Variants in MMP16 observed in about 807,000 individuals in gnomAD.
The protein encoded by MMP16 is matrix metalloproteinase-16.
MMP16 carries 12 observed loss-of-function variants against 67.8 expected under a neutral mutation model. The observed-to-expected ratio is 0.18, with a 90% confidence interval of 0.11 to 0.29. The LOEUF is 0.29. MMP16 is among the 10% of genes least tolerant of loss of function. The pLI is 1.00. For synonymous variants in MMP16, 249 were observed against 255.9 expected, an observed-to-expected ratio of 0.97 and a Z score of 0.26; for missense variants, 475 against 765.7, an observed-to-expected ratio of 0.62 and a Z score of 4.48.
intron 1 of MMP16, among the ~76,000 whole-genome samples, chr8:88,282,481 CAT>C (rs1810757365): frequency 1.3e-5 from 2 of 152,172 alleles, no homozygotes; most frequent in African/African-American, 4.8e-5. Context: ...AATACTAAAA[CAT>C]ATTAAAAACA....
At chr8:88,267,688 G>A (rs999055500) in intron 1 of MMP16, among the ~76,000 whole-genome samples, 1 of 152,176 alleles carries the variant, frequency 6.6e-6, no homozygotes, top group Non-Finnish European at 1.5e-5. Context: ...GTGAAATGAT[G>A]TTATTACTAA....
intron 1 of MMP16, among the ~76,000 whole-genome samples, chr8:88,268,597 A>T (rs1470475945): frequency 6.6e-6 from 1 of 152,068 alleles, no homozygotes; most frequent in African/African-American, 2.4e-5. Context: ...AGGGTAGGAG[A>T]GGACCATAAT....
At chr8:88,163,008 C>G (rs1360136761) in intron 4 of MMP16, among the ~76,000 whole-genome samples, 1 of 152,030 alleles carries the variant, frequency 6.6e-6, no homozygotes, top group Non-Finnish European at 1.5e-5. Flanking sequence ...TATCAAAGTT[C>G]AAATTTTGTA....
intron 1 of MMP16, among the ~76,000 whole-genome samples, chr8:88,238,369 C>T (rs145266754): frequency 6.6e-5 from 10 of 151,522 alleles, no homozygotes; most frequent in African/African-American, 9.7e-5. Context: ...AAAAATTAGC[C>T]GGGTGCAGCC....
At chr8:88,186,319 T>G in intron 3 of MMP16, 157 bp downstream of exon 3, 1 of 911,370 alleles carries the variant, frequency 1.1e-6, no homozygotes, top group Non-Finnish European at 1.6e-6. Context: ...AATGAACAAT[T>G]TACTCTCCTC....
intron 4 of MMP16, among the ~76,000 whole-genome samples, chr8:88,154,869 CAA>C (rs1315350398): frequency 1.1e-5 from 1 of 89,510 alleles, no homozygotes; most frequent in African/African-American, 4.0e-5. Context: ...AAGTATAATA[CAA>C]AAAAAAAAAG....
At chr8:88,079,973 A>G (rs1324108130) in intron 6 of MMP16, among the ~76,000 whole-genome samples, 1 of 152,190 alleles carries the variant, frequency 6.6e-6, no homozygotes, top group East Asian at 1.9e-4. Context: ...GTGTTCTGGT[A>G]TAGCACATCC....
chr8:88,264,068 A>T (rs866403812), intron 1 of MMP16, among the ~76,000 whole-genome samples: 3 of 141,280 alleles, frequency 2.1e-5, no homozygotes, highest in African/African-American at 8.0e-5. Flanking sequence ...GGAGAGAGAG[A>T]GTGTGTGTGT....
At chr8:88,076,278 T>A (rs1239017601) in intron 6 of MMP16, among the ~76,000 whole-genome samples, 2 of 152,190 alleles carry the variant, frequency 1.3e-5, no homozygotes, top group Non-Finnish European at 2.9e-5. Flanking sequence ...GATTACTGTA[T>A]AAGATACAAA....
At chr8:88,318,279 T>C (rs1377344653) in intron 1 of MMP16, among the ~76,000 whole-genome samples, 1 of 152,218 alleles carries the variant, frequency 6.6e-6, no homozygotes, top group African/African-American at 2.4e-5. Flanking sequence ...CAATTTAATA[T>C]TGTATGTGTT....
At chr8:88,056,069 T>C in intron 8 of MMP16, 59 bp downstream of exon 8, 1 of 1,301,680 alleles carries the variant, frequency 7.7e-7, no homozygotes. Context: ...AGACTAGAAA[T>C]GCTGATTTTC....
chr8:88,325,051 C>T (rs1811516039), intron 1 of MMP16, among the ~76,000 whole-genome samples: 1 of 152,144 alleles, frequency 6.6e-6, no homozygotes, highest in African/African-American at 2.4e-5. Context: ...ACTTATCTGT[C>T]AGGCTTAAAT....
At chr8:88,207,022 TG>T (rs1245633953) in intron 1 of MMP16, among the ~76,000 whole-genome samples, 1 of 152,142 alleles carries the variant, frequency 6.6e-6, no homozygotes, top group Non-Finnish European at 1.5e-5. Context: ...TTCAACAATT[TG>T]AAAAACCTCA....
chr8:88,228,949 C>T (rs1809813102), intron 1 of MMP16, among the ~76,000 whole-genome samples: 1 of 151,798 alleles, frequency 6.6e-6, no homozygotes, highest in South Asian at 2.1e-4. Flanking sequence ...TCACTTGAGC[C>T]CAGGAGTTGA....
rs555182248 is a variant in MMP16, at chr8:88,043,814, A to G, written c.1490-2019T>C. On this transcript the variant is annotated intron_variant, in intron 9 of 9. Coordinates refer to ENST00000286614, the MANE Select transcript of MMP16 (RefSeq NM_005941.5). ...GTATTTGATCACGTTAATGAAATTC[A>G]ATATAATTACTCAACAAGCTTGGAT... 2.3e-3 allele frequency among the ~76,000 whole-genome samples: 357 copies of G among 152,356 alleles called. 1 individual carries two copies. The highest frequency in any genetic ancestry group is 4.0e-3 in the Non-Finnish European group (274 of 68,040).
intron 4 of MMP16, among the ~76,000 whole-genome samples, chr8:88,120,238 T>C (rs1162483461): frequency 6.6e-6 from 1 of 151,940 alleles, no homozygotes; most frequent in Non-Finnish European, 1.5e-5. Context: ...TACATAACTA[T>C]GACAGTGTTT....
At chr8:88,109,020 G>T (rs1395344646) in intron 6 of MMP16, among the ~76,000 whole-genome samples, 2 of 150,854 alleles carry the variant, frequency 1.3e-5, no homozygotes, top group Non-Finnish European at 3.0e-5. Context: ...ATTGGGAATA[G>T]AAGAACAAGA....
intron 1 of MMP16, among the ~76,000 whole-genome samples, chr8:88,229,846 G>A (rs993232645): frequency 1.3e-5 from 2 of 152,070 alleles, no homozygotes; most frequent in Admixed American, 6.6e-5. Flanking sequence ...AAGTAATGCT[G>A]TATTTAAAGA....
intron 6 of MMP16, among the ~76,000 whole-genome samples, chr8:88,105,165 TA>T (rs1367816429): frequency 8.3e-5 from 11 of 132,382 alleles, no homozygotes; most frequent in Non-Finnish European, 1.6e-4. Flanking sequence ...TTTTTTTTTT[TA>T]CCTTAGCTAT....
Sources: allele counts gnomAD v4.1 joint callset (sites outside exome capture counted in the v4.1 genomes callset), GRCh38; gene constraint gnomAD v4.1.1; transcripts MANE v1.5; gene names NCBI Gene and HGNC (gene_info 2026-07-23, HGNC 2026-07-21).